Variants in TET2 observed in about 807,000 individuals in gnomAD.
TET2 encodes methylcytosine dioxygenase TET2.
Under a neutral mutation model 142.9 loss-of-function variants are expected in TET2, and 299 were observed. That is an observed-to-expected ratio of 2.09 (90% confidence interval 1.90 to 2.30). The LOEUF is 2.30. TET2 is among the 30% of genes most tolerant of loss of function. The pLI is 0.00. For missense variants in TET2, 2,418 were observed against 2,378.0 expected (o/e 1.02, Z -0.35); for synonymous variants, 819 against 849.0 (o/e 0.96, Z 0.61).
rs372281360 is a variant in TET2 at position 105,259,640 on chromosome 4, G to A, written c.3825G>A (p.Gly1275=). 2.6e-6 allele frequency: 4 copies of A among 1,550,856 alleles called. No individual in the cohort carries two copies. Among genetic ancestry groups the A allele is most frequent in the Non-Finnish European group, 2.6e-6 (3 of 1,146,372 alleles). The change falls in exon 7 of 11, where the codon GGG becomes GGA. Residue 1275 remains glycine (G), a synonymous_variant. Transcript: ENST00000380013. The stretch of plus-strand genomic sequence containing the variant: ...TCAGGAGAACTTGCGCCTGTCAGGG[G>A]CTGGATCCAGAAACCTGTGGTGCCT... The part of the protein sequence containing the change: ...LNEERTCACQ[G]LDPETCGASF...
At chr4:105,193,646 C>T (rs996466475) in intron 2 of TET2, among the ~76,000 whole-genome samples, 3 of 151,798 alleles carry the variant, frequency 2.0e-5, no homozygotes, top group Non-Finnish European at 2.9e-5. Context: ...GCTGACTGCA[C>T]GTAAGAGATA....
chr4:105,148,892 G>T (rs1282227685), intron 1 of TET2, among the ~76,000 whole-genome samples: 1 of 152,062 alleles, frequency 6.6e-6, no homozygotes, highest in African/African-American at 2.4e-5. Context: ...ATTTGTCCTC[G>T]ATAGTTCACT....
intron 2 of TET2, among the ~76,000 whole-genome samples, chr4:105,209,992 T>C (rs117335541): frequency 1.2e-4 from 18 of 152,134 alleles, no homozygotes; most frequent in Admixed American, 1.0e-3. Context: ...ATAGAACCGA[T>C]AGGTTATTTT....
Position 105,276,295 on chromosome 4 carries a change from G to C in TET2, c.5785G>C (p.Glu1929Gln). Residue 1929 changes from glutamate (E) to glutamine (Q), a missense_variant, in exon 11 of 11, where the codon GAG (glutamate) becomes CAG (glutamine). By Grantham distance (29) the Glu-to-Gln change is conservative. Transcript: ENST00000380013. ...AATGGCTGAAAAAGCCCGTGAGAAA[G>C]AGGAAGAGTGTGAAAAGTATGGCCC... is the stretch of plus-strand genomic sequence containing the variant. ...AKMAEKAREK[E>Q]EECEKYGPDY... 6.4e-7 allele frequency: 1 copy of C among 1,551,682 alleles called. No individual in the cohort carries two copies. The highest frequency in any genetic ancestry group is 8.7e-7 in the Non-Finnish European group (1 of 1,146,968).
Position 105,236,094 on chromosome 4 carries a change from C to G in TET2, c.2152C>G (p.Leu718Val). The change falls in exon 3 of 11, where the codon CTT (leucine) becomes GTT (valine). Residue 718 changes from leucine to valine, a missense_variant. Transcript: ENST00000380013. ...SETEPFSNSH[L>V]LQHKPHKQAA... ...GACTGAGCCATTTTCAAACTCACAC[C>G]TTTTGCAACATAAGCCTCATAAACA... 6.2e-7 allele frequency: 1 copy of G among 1,614,130 alleles called. No homozygotes were observed. Among genetic ancestry groups the G allele is most frequent in the Admixed American group, 1.7e-5 (1 of 60,010 alleles).
At chr4:105,240,646 G>C in intron 3 of TET2, 1 of 1,080,028 alleles carries the variant, frequency 9.3e-7, no homozygotes, top group Non-Finnish European at 1.1e-6. Context: ...ACATCTCATA[G>C]ATAATATTTG....
At chr4:105,186,006 C>T (rs1725418002) in intron 1 of TET2, among the ~76,000 whole-genome samples, 2 of 152,086 alleles carry the variant, frequency 1.3e-5, no homozygotes, top group African/African-American at 4.8e-5. Context: ...GCAGGTGGAT[C>T]ACTTGAGGTT....
chr4:105,228,191 T>G (rs192424424), intron 2 of TET2, among the ~76,000 whole-genome samples: 2 of 152,154 alleles, frequency 1.3e-5, no homozygotes, highest in Non-Finnish European at 2.9e-5. Context: ...TAAAAGAAAA[T>G]ATTGCATTTT....
At chr4:105,264,179 A>G (rs530748968) in intron 8 of TET2, among the ~76,000 whole-genome samples, 54 of 151,248 alleles carry the variant, frequency 3.6e-4, no homozygotes, top group African/African-American at 1.3e-3. Context: ...ATGTCAAATT[A>G]TGTTTTTAGA....
At chr4:105,187,149 C>A (rs1725506297) in intron 1 of TET2, among the ~76,000 whole-genome samples, 1 of 152,162 alleles carries the variant, frequency 6.6e-6, no homozygotes, top group Non-Finnish European at 1.5e-5. Context: ...TTCCAAGAAC[C>A]ACAAGCACCA....
chr4:105,175,026 T>G (rs771008291), intron 1 of TET2, among the ~76,000 whole-genome samples: 1 of 152,164 alleles, frequency 6.6e-6, no homozygotes, highest in Non-Finnish European at 1.5e-5. Flanking sequence ...CTGGTGAAGT[T>G]CATAGTCCAT....
At chr4:105,270,103 A>T (rs973283089) in intron 9 of TET2, among the ~76,000 whole-genome samples, 3 of 152,134 alleles carry the variant, frequency 2.0e-5, no homozygotes, top group African/African-American at 7.2e-5. Flanking sequence ...ATTCAAGATG[A>T]GATTTAGGTA....
At chr4:105,187,570 T>C (rs1725531474) in intron 1 of TET2, among the ~76,000 whole-genome samples, 1 of 152,378 alleles carries the variant, frequency 6.6e-6, no homozygotes, top group Non-Finnish European at 1.5e-5. Flanking sequence ...ATCTCATTAG[T>C]AGCATCATTC....
Position 105,236,284 on chromosome 4 carries a change from TGGAA to T in TET2, c.2344_2347del (p.Glu782AsnfsTer30). The T allele has an allele frequency of 6.2e-7, 1 of 1,614,074 alleles. No homozygotes were observed. On this transcript the variant is annotated frameshift_variant, in exon 3 of 11. Transcript: ENST00000380013. LOFTEE classifies it high-confidence loss of function. ...GGATCATTCTTTGGCCAGACTAAAG[TGGAA>T]GAATGTTTTCATGGTGAAAATCAGT...
chr4:105,231,828 G>A lies in TET2; in HGVS notation c.-46-2069G>A, dbSNP rs147602159. 2.0e-3 allele frequency among the ~76,000 whole-genome samples: 309 copies of A among 152,176 alleles called. 1 individual carries two copies. The highest frequency in any genetic ancestry group is 7.2e-3 in the African/African-American group (299 of 41,520). ...TAATTTTTTTAGTGCCATTTCTTCT[G>A]GCTTTCTCTATTATTGGGACTCTGA... On this transcript the variant is annotated intron_variant, in intron 2 of 10. Transcript: ENST00000380013.
intron 6 of TET2, 64 bp from the exon 7 acceptor site, chr4:105,259,555 A>G: frequency 2.0e-6 from 3 of 1,472,706 alleles, no homozygotes; most frequent in Non-Finnish European, 1.8e-6. Context: ...GACACCTATA[A>G]TATCAGCTGC....
intron 2 of TET2, among the ~76,000 whole-genome samples, chr4:105,231,591 T>C (rs1728506275): frequency 6.6e-6 from 1 of 152,220 alleles, no homozygotes; most frequent in Non-Finnish European, 1.5e-5. Context: ...CAGTATATAA[T>C]CTTTTTATCT....
At chr4:105,244,586 GTTTTTTTTT>G (rs566674796) in intron 6 of TET2, among the ~76,000 whole-genome samples, 4 of 66,696 alleles carry the variant, frequency 6.0e-5, no homozygotes, top group African/African-American at 1.6e-4. Flanking sequence ...ACACAGAAAT[GTTTTTTTTT>G]TTTTTTTTTT....
intron 1 of TET2, among the ~76,000 whole-genome samples, chr4:105,169,914 G>C (rs186685615): frequency 6.7e-6 from 1 of 149,724 alleles, no homozygotes; most frequent in African/African-American, 2.5e-5. Flanking sequence ...TTTCTTTCTT[G>C]GTTCTCTATC....
Sources: allele counts gnomAD v4.1 joint callset (sites outside exome capture counted in the v4.1 genomes callset), GRCh38; gene constraint gnomAD v4.1.1; transcripts MANE v1.5; gene names NCBI Gene and HGNC (gene_info 2026-07-23, HGNC 2026-07-21).